DNAH5: variants seen among roughly 807,000 people sequenced by gnomAD.
DNAH5 encodes dynein axonemal heavy chain 5.
DNAH5 carries 372 observed loss-of-function variants against 518.2 expected under a neutral mutation model. The observed-to-expected ratio is 0.72, with a 90% CI of 0.66 to 0.78. The LOEUF (loss-of-function observed/expected upper bound fraction) is 0.78. Ranked by LOEUF, DNAH5 falls within the 30% of genes least tolerant of loss-of-function variation. DNAH5 has a pLI of 0.00. For synonymous variants in DNAH5, 2,039 were observed against 2,025.9 expected, an observed-to-expected ratio of 1.01 and a Z score of -0.17; for missense variants, 5,523 against 5,687.0, an observed-to-expected ratio of 0.97 and a Z score of 0.93.
chr5:13,933,809 A>AAAC, intron 1 of DNAH5, among the ~76,000 whole-genome samples: 1 of 151,418 alleles, frequency 6.6e-6, no homozygotes, highest in African/African-American at 2.4e-5. Context: ...AAAAAAAAAA[A>AAAC]CTAAGGATGA....
chr5:13,998,186 T>C (rs1271529996), intron 1 of DNAH5, among the ~76,000 whole-genome samples: 19 of 152,316 alleles, frequency 1.2e-4, no homozygotes, highest in Non-Finnish European at 7.4e-5. Flanking sequence ...AAGATCAAGA[T>C]GCTGGCAGGT....
intron 1 of DNAH5, among the ~76,000 whole-genome samples, chr5:13,989,648 T>A (rs1383998998): frequency 1.3e-5 from 2 of 152,026 alleles, no homozygotes; most frequent in Non-Finnish European, 2.9e-5. Context: ...CACACCCGGC[T>A]AATTTTTTAT....
chr5:13,864,701 C>T (rs888774561), intron 27 of DNAH5, 64 bp from the exon 28 acceptor site: 42 of 1,567,586 alleles, frequency 2.7e-5, no homozygotes, highest in African/African-American at 9.5e-5. Context: ...TGGACCAAGA[C>T]GGTCTGCTAG....
chr5:13,935,992 T>C (rs1403550140), intron 1 of DNAH5, among the ~76,000 whole-genome samples: 1 of 152,210 alleles, frequency 6.6e-6, no homozygotes, highest in African/African-American at 2.4e-5. Context: ...CAAGGAAATC[T>C]AGAGCAGCAT....
At chr5:13,780,804 G>A (rs1049473327) in intron 53 of DNAH5, 25 bp downstream of exon 53, 1 of 1,612,524 alleles carries the variant, frequency 6.2e-7, no homozygotes, top group African/African-American at 1.3e-5. Flanking sequence ...TCCATGTTAG[G>A]TTTGTTAAAG....
intron 21 of DNAH5, among the ~76,000 whole-genome samples, chr5:13,877,512 T>C (rs1353584741): frequency 6.6e-6 from 1 of 152,200 alleles, no homozygotes; most frequent in Admixed American, 6.5e-5. Flanking sequence ...TGGCTCTCCC[T>C]CCACCCATGG....
chr5:14,004,261 G>A (rs1356567621), intron 1 of DNAH5, among the ~76,000 whole-genome samples: 2 of 152,172 alleles, frequency 1.3e-5, no homozygotes, highest in African/African-American at 2.4e-5. Context: ...AGAACCCTGT[G>A]AAATATCAGG....
chr5:13,910,233 A>T (rs1210909265), intron 12 of DNAH5, among the ~76,000 whole-genome samples: 1 of 151,672 alleles, frequency 6.6e-6, no homozygotes, highest in Non-Finnish European at 1.5e-5. Flanking sequence ...TTTCACCCCA[A>T]CTCCACCCCT....
At chr5:13,753,656 A>T in intron 62 of DNAH5, 107 bp from the exon 63 acceptor site, 1 of 1,033,656 alleles carries the variant, frequency 9.7e-7, no homozygotes. Context: ...TTTTAAACTA[A>T]ATTCCACAAA....
In DNAH5 at chr5:13,717,390, G is replaced by A. The variant is rs766099303; in HGVS notation, c.12630C>T (p.Tyr4210=). 1.3e-5 allele frequency: 21 copies of A among 1,613,936 alleles called. No homozygotes were observed. The highest frequency in any genetic ancestry group is 1.7e-5 in the Admixed American group (1 of 59,992). The change falls in exon 73 of 79, where the codon TAC becomes TAT. Residue 4210 remains tyrosine, a synonymous_variant. Coordinates refer to ENST00000265104, the MANE Select transcript of DNAH5 (RefSeq NM_001369.3). ...KFGALGWNIP[Y]EFNQADFNAT... ...CATTAAAGTCCGCTTGGTTAAATTC[G>A]TAGGGGATATTCCACCCCAGGGCAC...
At chr5:13,922,481 C>T (rs1291046198) in intron 4 of DNAH5, among the ~76,000 whole-genome samples, 153 bp from the exon 5 acceptor site, 1 of 152,010 alleles carries the variant, frequency 6.6e-6, no homozygotes, top group Non-Finnish European at 1.5e-5. Context: ...AATCCCAGCA[C>T]TTTGGGAGGC....
rs1304869638 is a variant in DNAH5, at chr5:13,859,434, TAAA to T, written c.4950+15_4950+17del. 6.2e-7 allele frequency: 1 copy of T among 1,613,728 alleles called. No individual in the cohort carries two copies. The highest frequency in any genetic ancestry group is 1.7e-5 in the Admixed American group (1 of 59,976). The stretch of plus-strand genomic sequence containing the variant: ...TTCTCTGAAAAATCTGATGAAATCA[TAAA>T]GAAGATTACAAAACCTTGGGCAGCT... On this transcript the variant is annotated intron_variant, in intron 30 of 78. Transcript: ENST00000265104.
intron 1 of DNAH5, among the ~76,000 whole-genome samples, chr5:13,993,173 G>T (rs146732077): frequency 6.6e-6 from 1 of 152,294 alleles, no homozygotes; most frequent in Non-Finnish European, 1.5e-5. Context: ...CTTTCCAATG[G>T]AGAATGCAGA....
intron 8 of DNAH5, 45 bp from the exon 9 acceptor site, chr5:13,916,500 G>A (rs1561565927): frequency 2.8e-6 from 3 of 1,065,352 alleles, no homozygotes; most frequent in Non-Finnish European, 4.3e-6. Flanking sequence ...ATCAAATTCA[G>A]CAAAATTCTA....
At chr5:13,989,544 C>T (rs1452109272) in intron 1 of DNAH5, among the ~76,000 whole-genome samples, 2 of 143,270 alleles carry the variant, frequency 1.4e-5, no homozygotes, top group Admixed American at 7.2e-5. Flanking sequence ...AGTGCAGTGG[C>T]GCGATCTCGG....
chr5:13,859,921 G>A (rs924486453), intron 29 of DNAH5, among the ~76,000 whole-genome samples: 12 of 152,122 alleles, frequency 7.9e-5, no homozygotes, highest in African/African-American at 2.9e-4. Context: ...CTATGGCTAC[G>A]AGAATAATAT....
At chr5:13,920,426 T>G in intron 6 of DNAH5, 54 bp downstream of exon 6, 1 of 1,609,252 alleles carries the variant, frequency 6.2e-7, no homozygotes, top group African/African-American at 1.3e-5. Context: ...CTTCTTCCAT[T>G]GTCTAGCGCA....
chr5:13,874,486 G>C (rs1770580710), intron 22 of DNAH5, among the ~76,000 whole-genome samples: 1 of 151,952 alleles, frequency 6.6e-6, no homozygotes, highest in Non-Finnish European at 1.5e-5. Context: ...ATGTAACCAA[G>C]GTTATTTTGA....
At position 13,770,889 on chromosome 5, in the gene DNAH5, C is replaced by T; in HGVS notation, c.9465G>A (p.Gly3155=). ...VVQCMGSFQD[G]VAEKCVDYFQ... ...AATAATCAACACACTTCTCAGCCAC[C>T]CCATCCTGGAAGGAGCCCATGCATT... Residue 3155 remains glycine, a synonymous_variant, in exon 56 of 79, where the codon GGG becomes GGA. Transcript: ENST00000265104. The T allele has an allele frequency of 5.6e-6, 9 of 1,614,038 alleles. No homozygotes were observed. Among genetic ancestry groups the T allele is most frequent in the Non-Finnish European group, 7.6e-6 (9 of 1,179,968 alleles).
Sources: gnomAD v4.1 joint callset for allele counts (sites outside exome capture counted in the v4.1 genomes callset) on GRCh38, gnomAD v4.1.1 for gene constraint, MANE v1.5 for transcripts, NCBI Gene and HGNC (gene_info 2026-07-23, HGNC 2026-07-21) for gene names.